The following MET variants were observed in gnomAD, a reference collection of about 807,000 sequenced individuals.
MET encodes the protein MET proto-oncogene, receptor tyrosine kinase, also known as hepatocyte growth factor receptor.
MET carries 48 observed loss-of-function variants against 133.1 expected under a neutral mutation model. That is an observed-to-expected ratio of 0.36 (90% CI 0.29 to 0.46). The LOEUF (loss-of-function observed/expected upper bound fraction) is 0.46, where lower values mean the gene tolerates loss of function less well. MET is among the 20% of genes least tolerant of loss of function. The probability of loss-of-function intolerance (pLI) is 1.00; values close to 1 mark genes in which losing one functional copy is unlikely to be tolerated. For missense variants in MET, 1,442 were observed against 1,695.9 expected (o/e 0.85, Z 2.63); for synonymous variants, 628 against 616.5 (o/e 1.02, Z -0.28).
intron 1 of MET, among the ~76,000 whole-genome samples, chr7:116,686,129 C>A (rs1796545728): frequency 6.6e-6 from 1 of 152,018 alleles, no homozygotes; most frequent in Non-Finnish European, 1.5e-5. Context: ...CATAATCCCC[C>A]CTTGTTCAAC....
chr7:116,752,299 T>C (rs1254407302), intron 5 of MET, among the ~76,000 whole-genome samples: 2 of 152,094 alleles, frequency 1.3e-5, no homozygotes, highest in Non-Finnish European at 2.9e-5. Context: ...TCCTAATGGG[T>C]TTTGAAAGCA....
chr7:116,774,092 G>A (rs1023653319), intron 14 of MET, among the ~76,000 whole-genome samples: 4 of 152,044 alleles, frequency 2.6e-5, no homozygotes, highest in Non-Finnish European at 5.9e-5. Flanking sequence ...AGGGAAAGTG[G>A]AAATGCCCTA....
intron 19 of MET, among the ~76,000 whole-genome samples, chr7:116,783,911 A>AAAG (rs1795227451): frequency 6.6e-6 from 1 of 152,248 alleles, no homozygotes; most frequent in African/African-American, 2.4e-5. Flanking sequence ...CCTAGCTAGT[A>AAAG]AAGTGCCTTC....
chr7:116,689,964 C>T (rs893754828), intron 1 of MET, among the ~76,000 whole-genome samples: 2 of 151,868 alleles, frequency 1.3e-5, no homozygotes, highest in African/African-American at 4.8e-5. Context: ...GGGCAATTTT[C>T]GAAGGGCTTC....
chr7:116,792,064 T>C (rs1468907294), intron 19 of MET, among the ~76,000 whole-genome samples: 2 of 149,748 alleles, frequency 1.3e-5, no homozygotes, highest in African/African-American at 2.4e-5. Flanking sequence ...AGTTTACCAA[T>C]TGATAAAACT....
chr7:116,751,630 G>A (rs1477525299), intron 5 of MET, among the ~76,000 whole-genome samples: 1 of 152,096 alleles, frequency 6.6e-6, no homozygotes, highest in African/African-American at 2.4e-5. Context: ...GAGATTTCAG[G>A]ACTGTAAGCC....
Position 116,672,467 on chromosome 7 carries a change from C to G in MET, c.-125C>G. ...CAGATGCGGAGCCGAGTGGAGGGCG[C>G]GAGCCAGATGCGGGGCGACAGCTGA... On this transcript the variant is annotated 5_prime_UTR_variant, in exon 1 of 21. Coordinates refer to ENST00000397752, the MANE Select transcript of MET (RefSeq NM_000245.4). The G allele has an allele frequency of 5.0e-6, 2 of 397,992 alleles. No homozygotes were observed. The highest frequency in any genetic ancestry group is 8.9e-6 in the Non-Finnish European group (2 of 225,708). The allele number at this position is 397,992 out of a possible 1,614,324, so 24.7% of individuals were successfully genotyped here.
Position 116,781,274 on chromosome 7 carries a change from C to T in MET, c.3523-714C>T, listed in dbSNP as rs559747627. On this transcript the variant is annotated intron_variant, in intron 17 of 20. Coordinates refer to ENST00000397752, the MANE Select transcript of MET (RefSeq NM_000245.4). Reference sequence around the variant, plus strand: ...TCTGCCTCTAGAGCCCAGGGCTTCCCCCATGTGACCCTGCATGACAGGGTG... The same window carrying T: ...TCTGCCTCTAGAGCCCAGGGCTTCCTCCATGTGACCCTGCATGACAGGGTG... 2.0e-5 allele frequency among the ~76,000 whole-genome samples: 3 copies of T among 152,308 alleles called. No individual in the cohort carries two copies. In the East Asian group the frequency reaches 5.8e-4, roughly 29 times the overall value.
At chr7:116,715,109 T>C (rs756440095) in intron 2 of MET, among the ~76,000 whole-genome samples, 2 of 152,226 alleles carry the variant, frequency 1.3e-5, no homozygotes, top group Non-Finnish European at 2.9e-5. Flanking sequence ...GGGATTTATG[T>C]CTTTTTTATT....
chr7:116,794,611 C>G (rs373854151), intron 19 of MET, among the ~76,000 whole-genome samples: 1 of 152,236 alleles, frequency 6.6e-6, no homozygotes, highest in East Asian at 1.9e-4. Context: ...GCAAGCTACA[C>G]TTGCCTCTCA....
In MET at chr7:116,740,733, G is replaced by A. The variant is rs998904013; in HGVS notation, c.1528-119G>A. On this transcript the variant is annotated intron_variant, in intron 4 of 20. Transcript: ENST00000397752. ...TATGACAGGATTTGCACACATAGTT[G>A]CTAAGTCTAGAAAATTCCATCAAAT... The A allele has an allele frequency of 1.7e-5, 22 of 1,257,350 alleles. No individual in the cohort carries two copies. The African/African-American group carries it at 3.1e-4, about 18-fold the overall frequency. The allele number at this position is 1,257,350 out of a possible 1,614,324, so 77.9% of individuals were successfully genotyped here.
chr7:116,748,616 A>C (rs1793789394), intron 5 of MET, among the ~76,000 whole-genome samples: 2 of 152,292 alleles, frequency 1.3e-5, no homozygotes, highest in Non-Finnish European at 2.9e-5. Flanking sequence ...ACAAGAAATA[A>C]CTAAGATCAG....
rs1295548832 is a variant in MET, at chr7:116,741,037, T to TA, written c.1701+14dup. ...CTGCAATCTACAAGGTAGGAATCTC[T>TA]AACAGCTGGCATACATGTTTTTGTT... is the stretch of plus-strand genomic sequence containing the variant. On this transcript the variant is annotated intron_variant, in intron 5 of 20. Coordinates refer to ENST00000397752, the MANE Select transcript of MET (RefSeq NM_000245.4). The TA allele has an allele frequency of 6.2e-7, 1 of 1,603,126 alleles. No individual in the cohort carries two copies. Among genetic ancestry groups the TA allele is most frequent in the Non-Finnish European group, 8.5e-7 (1 of 1,173,066 alleles).
At chr7:116,728,431 ATACAGAGTTC>A in intron 2 of MET, among the ~76,000 whole-genome samples, 1 of 152,202 alleles carries the variant, frequency 6.6e-6, no homozygotes, top group East Asian at 1.9e-4. Context: ...ATTAACTCTA[ATACAGAGTTC>A]TACATTTACG....
intron 2 of MET, among the ~76,000 whole-genome samples, chr7:116,717,098 T>C (rs1370293957): frequency 6.6e-6 from 1 of 152,168 alleles, no homozygotes; most frequent in Non-Finnish European, 1.5e-5. Context: ...CCTGAGCACA[T>C]CAGATGGAGT....
At position 116,778,727 on chromosome 7, in the gene MET, A is replaced by G. The variant is rs765659351; in HGVS notation, c.3341-49A>G. The G allele has an allele frequency of 2.8e-5, 45 of 1,590,196 alleles. No individual in the cohort carries two copies. The highest frequency in any genetic ancestry group is 3.3e-5 in the Admixed American group (2 of 59,876). On this transcript the variant is annotated intron_variant, in intron 16 of 20. Coordinates refer to ENST00000397752, the MANE Select transcript of MET (RefSeq NM_000245.4). ...CTTCCTATCTAAATTTGACAAAAGT[A>G]TTCACTGTTCCATAATGAAGTTAAT...
At chr7:116,731,207 G>A (rs1009473472) in intron 2 of MET, among the ~76,000 whole-genome samples, 7 of 152,110 alleles carry the variant, frequency 4.6e-5, no homozygotes, top group South Asian at 2.1e-4. Flanking sequence ...TGAGTTATCC[G>A]TTAACCACCA....
In MET at chr7:116,775,973, G is replaced by A. The variant is rs188839217; in HGVS notation, c.3259+862G>A. 2.6e-3 allele frequency among the ~76,000 whole-genome samples: 392 copies of A among 151,790 alleles called. 2 individuals carry two copies. Among genetic ancestry groups the A allele is most frequent in the Middle Eastern group, 0.01 (3 of 286 alleles). On this transcript the variant is annotated intron_variant, in intron 15 of 20. Transcript: ENST00000397752. ...GAATATTTGTAATAAGCTAGCCAAA[G>A]CAGCAATAACAGCTAGCATAAACAG...
At chr7:116,759,585 T>C (rs1794317242) in intron 10 of MET, 95 bp downstream of exon 10, 2 of 1,404,998 alleles carry the variant, frequency 1.4e-6, no homozygotes, top group Non-Finnish European at 2.0e-6. Context: ...AGTTTCGCCT[T>C]TAAGGTTTGC....
Sources: allele counts gnomAD v4.1 joint callset (sites outside exome capture counted in the v4.1 genomes callset), GRCh38; gene constraint gnomAD v4.1.1; transcripts MANE v1.5; gene names NCBI Gene and HGNC (gene_info 2026-07-23, HGNC 2026-07-21).